The following RPRD1B variants were observed in gnomAD, a reference collection of about 807,000 sequenced individuals.
The protein encoded by RPRD1B is regulation of nuclear pre-mRNA domain-containing protein 1B.
Under a neutral mutation model 41.5 loss-of-function variants are expected in RPRD1B, and 11 were observed. That is an observed-to-expected ratio of 0.27 (90% CI 0.17 to 0.44). The LOEUF (loss-of-function observed/expected upper bound fraction) is 0.44, where lower values mean the gene tolerates loss of function less well. Among genes scored for constraint, RPRD1B ranks in the 20% least tolerant of loss-of-function variants. RPRD1B has a pLI of 1.00. For synonymous variants in RPRD1B, 158 were observed against 155.6 expected (o/e 1.02, Z -0.12); for missense variants, 248 against 389.9 (o/e 0.64, Z 3.06).
Position 38,091,162 on chromosome 20 carries a change from G to A in RPRD1B, c.*1287G>A, listed in dbSNP as rs2074608981. On this transcript the variant is annotated 3_prime_UTR_variant, in exon 7 of 7. Transcript: ENST00000373433. ...TTTTTGACATTGGAAAGGGCAGAAA[G>A]CGATTTGCCCCAGTAGTGTAATAGG... 1.0e-6 allele frequency: 1 copy of A among 985,816 alleles called. No homozygotes were observed. The highest frequency in any genetic ancestry group is 1.1e-4 in the East Asian group (1 of 8,816). 61.1% of individuals were successfully genotyped at this position (985,816 alleles called of 1,614,324 possible). A position where few individuals can be genotyped will look rare whatever the true frequency, so the allele number is the denominator to read the frequency against.
intron 2 of RPRD1B, among the ~76,000 whole-genome samples, chr20:38,043,462 GATATATTCCA>G (rs2074088126): frequency 6.6e-6 from 1 of 152,078 alleles, no homozygotes; most frequent in Non-Finnish European, 1.5e-5. Flanking sequence ...CCAGGGGAAT[GATATATTCCA>G]ATATATTCCA....
intron 1 of RPRD1B, among the ~76,000 whole-genome samples, chr20:38,038,201 A>C (rs987302405): frequency 7.2e-5 from 11 of 152,302 alleles, no homozygotes; most frequent in African/African-American, 2.4e-4. Context: ...AATTCAGGGT[A>C]TCCATATTTA....
intron 1 of RPRD1B, among the ~76,000 whole-genome samples, chr20:38,034,514 A>G (rs2122680206): frequency 6.6e-6 from 1 of 152,298 alleles, no homozygotes; most frequent in East Asian, 1.9e-4. Context: ...TGCCAGCTGA[A>G]TAATACTGGG....
intron 6 of RPRD1B, among the ~76,000 whole-genome samples, chr20:38,074,999 T>C (rs1905802314): frequency 6.6e-6 from 1 of 152,250 alleles, no homozygotes; most frequent in Non-Finnish European, 1.5e-5. Context: ...AAATGATTGC[T>C]TGAATACCTG....
Position 38,063,729 on chromosome 20 carries a change from G to A in RPRD1B, c.656-2352G>A, listed in dbSNP as rs113535253. Among the ~76,000 whole-genome samples, 564 of 152,290 alleles carry A rather than the reference G, an allele frequency of 3.7e-3. 4 individuals are homozygous for A. Among genetic ancestry groups the A allele is most frequent in the African/African-American group, 0.012 (504 of 41,566 alleles). On this transcript the variant is annotated intron_variant, in intron 5 of 6. Coordinates refer to ENST00000373433, the MANE Select transcript of RPRD1B (RefSeq NM_021215.4). ...TTGAGGAAACGAGGGAATGGGATGC[G>A]CATGCCGCTTGGAGGACTGGCCGAA... is the stretch of plus-strand genomic sequence containing the variant.
At chr20:38,081,995 C>T (rs543354422) in intron 6 of RPRD1B, among the ~76,000 whole-genome samples, 22 of 152,210 alleles carry the variant, frequency 1.4e-4, no homozygotes, top group African/African-American at 4.8e-4. Flanking sequence ...GTGTTCATCA[C>T]GGATATTGGC....
chr20:38,059,273 T>G, intron 4 of RPRD1B, 121 bp from the exon 5 acceptor site: 1 of 1,077,670 alleles, frequency 9.3e-7, no homozygotes, highest in Non-Finnish European at 1.3e-6. Flanking sequence ...AGAACAGTTT[T>G]TTTTAAGAAA....
intron 5 of RPRD1B, among the ~76,000 whole-genome samples, chr20:38,065,390 T>C (rs1034360865): frequency 2.6e-5 from 4 of 152,174 alleles, no homozygotes; most frequent in Non-Finnish European, 5.9e-5. Flanking sequence ...TAATGAAATA[T>C]AGTGGTCCCT....
chr20:38,071,711 C>A (rs983038036), intron 6 of RPRD1B, among the ~76,000 whole-genome samples: 3 of 152,174 alleles, frequency 2.0e-5, no homozygotes, highest in Admixed American at 2.0e-4. Flanking sequence ...GTTATTGTCT[C>A]TTTATTTTCG....
intron 6 of RPRD1B, among the ~76,000 whole-genome samples, chr20:38,084,851 T>G (rs1354843829): frequency 6.6e-6 from 1 of 152,216 alleles, no homozygotes; most frequent in Non-Finnish European, 1.5e-5. Context: ...TTGTAAACAT[T>G]TCTTGGCAGT....
Position 38,059,379 on chromosome 20 carries a change from G to A in RPRD1B, c.529-15G>A. The A allele has an allele frequency of 6.2e-7, 1 of 1,606,790 alleles. No homozygotes were observed. The highest frequency in any genetic ancestry group is 8.5e-7 in the Non-Finnish European group (1 of 1,175,998). ...TGTCTTAATGGGTAGTGTTGTTTGTGTTTTCATCTTACAGACTGAGGAACT... is the reference window on the plus strand; with the variant it reads ...TGTCTTAATGGGTAGTGTTGTTTGTATTTTCATCTTACAGACTGAGGAACT... On this transcript the variant is annotated splice_polypyrimidine_tract_variant and intron_variant, in intron 4 of 6. Transcript: ENST00000373433.
At chr20:38,046,992 C>T (rs75972413) in intron 2 of RPRD1B, among the ~76,000 whole-genome samples, 171 of 152,182 alleles carry the variant, frequency 1.1e-3, no homozygotes, top group East Asian at 6.4e-3. Flanking sequence ...AGCGAGGAGA[C>T]CAGTAATGAG....
intron 1 of RPRD1B, among the ~76,000 whole-genome samples, chr20:38,034,567 A>G (rs2073974661): frequency 6.6e-6 from 1 of 152,174 alleles, no homozygotes; most frequent in Non-Finnish European, 1.5e-5. Flanking sequence ...CTCATCTGTA[A>G]GAGGGAGGCA....
chr20:38,069,788 A>T (rs919291279), intron 6 of RPRD1B, among the ~76,000 whole-genome samples: 2 of 152,238 alleles, frequency 1.3e-5, no homozygotes, highest in Admixed American at 1.3e-4. Context: ...CAAGAAAAAA[A>T]TGAAGATGCT....
chr20:38,087,219 C>G (rs1459142549), intron 6 of RPRD1B, among the ~76,000 whole-genome samples: 1 of 152,216 alleles, frequency 6.6e-6, no homozygotes, highest in African/African-American at 2.4e-5. Flanking sequence ...CTCGGCCTCC[C>G]AAAGTGCTGG....
intron 6 of RPRD1B, among the ~76,000 whole-genome samples, chr20:38,088,540 C>A (rs6097732): frequency 0.21 from 31,877 of 152,186 alleles, 3,745 homozygotes; most frequent in African/African-American, 0.33. Flanking sequence ...GACCTACTTA[C>A]CCTTGCAGAG....
chr20:38,036,147 A>G (rs746366680), intron 1 of RPRD1B, among the ~76,000 whole-genome samples: 17 of 152,264 alleles, frequency 1.1e-4, no homozygotes, highest in Middle Eastern at 6.8e-3. Flanking sequence ...TAGAGAGTAC[A>G]TTTGTGTATG....
At chr20:38,078,528 G>T (rs1455374436) in intron 6 of RPRD1B, among the ~76,000 whole-genome samples, 1 of 151,962 alleles carries the variant, frequency 6.6e-6, no homozygotes, top group African/African-American at 2.4e-5. Context: ...CACCACATAG[G>T]TTGTCAGTCT....
intron 4 of RPRD1B, 73 bp from the exon 5 acceptor site, chr20:38,059,321 C>T: frequency 1.4e-6 from 2 of 1,472,758 alleles, no homozygotes; most frequent in East Asian, 2.4e-5. Context: ...GCCTCCACCT[C>T]ATTTAACTCC....
Sources: gnomAD v4.1 joint callset for allele counts (sites outside exome capture counted in the v4.1 genomes callset) on GRCh38, gnomAD v4.1.1 for gene constraint, MANE v1.5 for transcripts, NCBI Gene and HGNC (gene_info 2026-07-23, HGNC 2026-07-21) for gene names.